Variants in ARHGAP23 observed in about 807,000 individuals in gnomAD.
ARHGAP23 encodes Rho GTPase activating protein 23.
ARHGAP23 carries 34 observed loss-of-function variants against 136.3 expected under a neutral mutation model. That is an observed-to-expected ratio of 0.25 (90% CI 0.19 to 0.33). The LOEUF is 0.33. Ranked by LOEUF, ARHGAP23 falls within the 10% of genes least tolerant of loss-of-function variation. The pLI is 1.00. For missense variants in ARHGAP23, 1,808 were observed against 2,139.0 expected, an observed-to-expected ratio of 0.85 and a Z score of 3.05; for synonymous variants, 832 against 920.5, an observed-to-expected ratio of 0.90 and a Z score of 1.74.
chr17:38,425,494 A>C (rs2038561027), upstream of ARHGAP23, among the ~76,000 whole-genome samples: 1 of 151,956 alleles, frequency 6.6e-6, no homozygotes, highest in East Asian at 1.9e-4. Context: ...TCTAGGCCTC[A>C]CCTCTGTATT....
At chr17:38,489,169 T>A (rs983782096) in intron 17 of ARHGAP23, among the ~76,000 whole-genome samples, 1 of 152,250 alleles carries the variant, frequency 6.6e-6, no homozygotes, top group African/African-American at 2.4e-5. Context: ...TGTGAGCCAC[T>A]GTGCCTGGCC....
rs1187333707 is a variant in ARHGAP23, at chr17:38,511,323, C to G, written c.*351C>G. The G allele has an allele frequency of 1.5e-5, 4 of 271,520 alleles. No individual in the cohort carries two copies. The highest frequency in any genetic ancestry group is 2.8e-5 in the Non-Finnish European group (4 of 145,236). 16.8% of individuals were successfully genotyped at this position (271,520 alleles called of 1,614,324 possible). A position where few individuals can be genotyped will look rare whatever the true frequency, so the allele number is the denominator to read the frequency against. On this transcript the variant is annotated 3_prime_UTR_variant, in exon 24 of 24. Coordinates refer to ENST00000622683, the MANE Select transcript of ARHGAP23 (RefSeq NM_001199417.2). ...ACCATGGGGTGTGGCTAGGGAACCC[C>G]TAAGTTTCAGACTAAAGGAAAGATC...
At chr17:38,502,674 T>C (rs1406549822) in intron 23 of ARHGAP23, among the ~76,000 whole-genome samples, 2 of 152,206 alleles carry the variant, frequency 1.3e-5, no homozygotes, top group Non-Finnish European at 2.9e-5. Context: ...AGACCACTCT[T>C]GTGAGAAGTC....
At chr17:38,472,491 T>G (rs1233009130) in intron 11 of ARHGAP23, among the ~76,000 whole-genome samples, 4 of 151,658 alleles carry the variant, frequency 2.6e-5, no homozygotes, top group African/African-American at 9.7e-5. Flanking sequence ...GGGAGTGAGT[T>G]AGGGAGGGGC....
At chr17:38,423,378 GT>G (rs570711820) in intron 1 of ARHGAP23, among the ~76,000 whole-genome samples, 33 of 143,882 alleles carry the variant, frequency 2.3e-4, no homozygotes, top group East Asian at 4.0e-4. Context: ...TTTGCTTTTT[GT>G]TTTTTTTTTT....
rs1328423456 is a variant in ARHGAP23, at chr17:38,493,991, G to C, written c.3276+2459G>C. Among the ~76,000 whole-genome samples the C allele has an allele frequency of 3.3e-5, 5 of 151,380 alleles. No homozygotes were observed. In the East Asian group the frequency reaches 9.8e-4, roughly 30 times the overall value. ...CAGCCTCAGCACTAGTGAGCGCTGG[G>C]GTCCAGATAAGTCTTTCTTGTGGGA... On this transcript the variant is annotated intron_variant, in intron 20 of 23. Transcript: ENST00000622683.
intron 1 of ARHGAP23, among the ~76,000 whole-genome samples, chr17:38,456,815 C>G (rs1698264368): frequency 6.6e-6 from 1 of 152,208 alleles, no homozygotes; most frequent in Admixed American, 6.5e-5. Context: ...GTGCCCCCTC[C>G]AAACTCTTGT....
intron 21 of ARHGAP23, 129 bp downstream of exon 21, chr17:38,497,955 G>C (rs1024374590): frequency 1.0e-6 from 1 of 972,514 alleles, no homozygotes; most frequent in Non-Finnish European, 1.6e-6. Flanking sequence ...CTCAAGTCTG[G>C]TGGAGGAAAC....
At chr17:38,507,598 T>TGA (rs2040663213) in intron 23 of ARHGAP23, among the ~76,000 whole-genome samples, 1 of 152,174 alleles carries the variant, frequency 6.6e-6, no homozygotes. Context: ...CCAGCTGGGA[T>TGA]GAGAGGGTAG....
At position 38,504,321 on chromosome 17, in the gene ARHGAP23, G is replaced by A. The variant is rs112867458; in HGVS notation, c.3447+3693G>A. Among the ~76,000 whole-genome samples, 394 of 152,326 alleles carry A rather than the reference G, an allele frequency of 2.6e-3. 2 individuals are homozygous for A. Among genetic ancestry groups the A allele is most frequent in the African/African-American group, 9.0e-3 (374 of 41,574 alleles). On this transcript the variant is annotated intron_variant, in intron 23 of 23. Transcript: ENST00000622683. The stretch of plus-strand genomic sequence containing the variant: ...ACAGGGACGTTGAGTTGTGTGTGCC[G>A]CAGTGGTCTCAGTCTCATCTACTGG...
In ARHGAP23 at chr17:38,480,345, T is replaced by C. The variant is rs544311760; in HGVS notation, c.2629+462T>C. 1.7e-3 allele frequency among the ~76,000 whole-genome samples: 263 copies of C among 151,854 alleles called. 3 individuals carry two copies. The highest frequency in any genetic ancestry group is 3.2e-3 in the Non-Finnish European group (215 of 67,922). On this transcript the variant is annotated intron_variant, in intron 14 of 23. Coordinates refer to ENST00000622683, the MANE Select transcript of ARHGAP23 (RefSeq NM_001199417.2). ...GGTGAAACCCCAACTCTACTAAAAA[T>C]ACAAAAGGCCGGGCGCGATGGCTCA...
At chr17:38,428,396 G>T (rs1226489260), upstream of ARHGAP23, 4 of 506,266 alleles carry the variant, frequency 7.9e-6, no homozygotes, top group African/African-American at 2.1e-5. Flanking sequence ...CCCCCACACC[G>T]CGCTCGGCCC....
upstream of ARHGAP23, among the ~76,000 whole-genome samples, chr17:38,423,486 C>T (rs973466956): frequency 6.6e-6 from 1 of 152,114 alleles, no homozygotes; most frequent in South Asian, 2.1e-4. Flanking sequence ...ATTCTCCTGC[C>T]TCAGCCTCCT....
chr17:38,495,239 T>C (rs2040366973), intron 20 of ARHGAP23, among the ~76,000 whole-genome samples: 1 of 150,292 alleles, frequency 6.7e-6, no homozygotes, highest in Non-Finnish European at 1.5e-5. Flanking sequence ...TTTTTTTTTT[T>C]TTTTTTTTTT....
chr17:38,467,552 T>C (rs748760852), intron 7 of ARHGAP23, among the ~76,000 whole-genome samples: 3 of 152,188 alleles, frequency 2.0e-5, no homozygotes, highest in Non-Finnish European at 2.9e-5. Context: ...CTACCTCTCA[T>C]TCATTTATCC....
intron 7 of ARHGAP23, 81 bp from the exon 8 acceptor site, chr17:38,469,063 C>T (rs1290193892): frequency 4.1e-5 from 59 of 1,431,358 alleles, no homozygotes; most frequent in South Asian, 2.7e-4. Context: ...GCGAGTGGCA[C>T]GGGGGCTGGC....
intron 1 of ARHGAP23, among the ~76,000 whole-genome samples, chr17:38,436,003 G>A (rs375121522): frequency 5.3e-5 from 8 of 152,354 alleles, no homozygotes; most frequent in African/African-American, 1.9e-4. Flanking sequence ...GGCTGCAATG[G>A]AGGCTGTCTG....
chr17:38,510,984 C>T lies in ARHGAP23; in HGVS notation c.*12C>T. 2 of 1,414,754 alleles carry T rather than the reference C, an allele frequency of 1.4e-6. No individual in the cohort carries two copies. Among genetic ancestry groups the T allele is most frequent in the Non-Finnish European group, 1.8e-6 (2 of 1,097,660 alleles). 87.6% of individuals were successfully genotyped at this position (1,414,754 alleles called of 1,614,324 possible). A position where few individuals can be genotyped will look rare whatever the true frequency, so the allele number is the denominator to read the frequency against. ...ATCAGTGTCTGTGATCCCCACCTCC[C>T]GCGCCGCTCGGGCGCCACCCCTCCC... On this transcript the variant is annotated 3_prime_UTR_variant, in exon 24 of 24. Transcript: ENST00000622683. This position sits in a 1 kb window ranked among gnomAD's most constrained non-coding sequence, Gnocchi z 4.6.
At chr17:38,460,687 G>T (rs960235755) in intron 2 of ARHGAP23, among the ~76,000 whole-genome samples, 1 of 152,184 alleles carries the variant, frequency 6.6e-6, no homozygotes, top group Non-Finnish European at 1.5e-5. Flanking sequence ...GTTCCCTGAT[G>T]GTTAGGGTGT....
Sources: gnomAD v4.1 joint callset for allele counts (sites outside exome capture counted in the v4.1 genomes callset) on GRCh38, gnomAD v4.1.1 for gene constraint, Gnocchi (gnomAD v3.1) non-coding constraint, MANE v1.5 for transcripts, NCBI Gene and HGNC (gene_info 2026-07-23, HGNC 2026-07-21) for gene names.